DDX10: variants seen among roughly 807,000 people sequenced by gnomAD.
DDX10 encodes the protein probable ATP-dependent RNA helicase DDX10.
DDX10 carries 74 observed loss-of-function variants against 104.3 expected under a neutral mutation model. The ratio of observed to expected loss-of-function variants is 0.71; its 90% CI spans 0.59 to 0.86. DDX10 has a LOEUF of 0.86. DDX10 is among the 40% of genes least tolerant of loss of function. The pLI is 0.00. For missense variants in DDX10, 952 were observed against 1,040.0 expected (o/e 0.92, Z 1.16); for synonymous variants, 351 against 353.4 (o/e 0.99, Z 0.08).
rs905101408 is a variant in DDX10 at position 108,794,175 on chromosome 11, T to G, written c.1966-44271T>G. Among the ~76,000 whole-genome samples the G allele has an allele frequency of 3.9e-5, 6 of 152,290 alleles. No individual in the cohort carries two copies. The East Asian group carries it at 7.7e-4, about 20-fold the overall frequency. On this transcript the variant is annotated intron_variant, in intron 13 of 17. Coordinates refer to ENST00000322536, the MANE Select transcript of DDX10 (RefSeq NM_004398.4). ...GCACACTTCCCTTTGATAAACTAAT[T>G]GCTTTTTCTTTGGATGAATACCTAC...
In DDX10 at chr11:108,693,562, T is replaced by G. The variant is rs370270676; in HGVS notation, c.1185T>G (p.Asp395Glu). Residue 395 changes from aspartate (D) to glutamate (E), a missense_variant, in exon 9 of 18, where the codon GAT (aspartate) becomes GAG (glutamate). Asp to Glu is a conservative substitution (Grantham distance 45, BLOSUM62 2). This residue lies in a region of DDX10 where 7 missense variants were observed against 26.7 expected (regional missense o/e 0.26). Transcript: ENST00000322536. ...NWVLQFDCPE[D>E]ANTYIHRAGR... ...TTCTTCAGTTTGATTGTCCTGAGGA[T>G]GCCAACACATATATTCACAGAGCAG... The G allele has an allele frequency of 3.7e-6, 6 of 1,614,048 alleles. No homozygotes were observed. Among genetic ancestry groups the G allele is most frequent in the Non-Finnish European group, 5.1e-6 (6 of 1,180,020 alleles).
chr11:108,728,044 A>G (rs376786045), intron 13 of DDX10, among the ~76,000 whole-genome samples: 1 of 151,952 alleles, frequency 6.6e-6, no homozygotes, highest in Non-Finnish European at 1.5e-5. Context: ...AGAAAAATGA[A>G]AAAAGAAAAA....
intron 13 of DDX10, among the ~76,000 whole-genome samples, chr11:108,830,696 G>T (rs1416703676): frequency 6.6e-6 from 1 of 152,100 alleles, no homozygotes; most frequent in Non-Finnish European, 1.5e-5. Flanking sequence ...GTTGTAGATG[G>T]CTTTTATTAC....
intron 13 of DDX10, among the ~76,000 whole-genome samples, chr11:108,758,723 C>T (rs909073932): frequency 6.6e-6 from 1 of 152,042 alleles, no homozygotes; most frequent in Non-Finnish European, 1.5e-5. Context: ...TCCCCTTCTG[C>T]CTCCTGTTTC....
chr11:108,882,287 C>G (rs867160728), intron 16 of DDX10, among the ~76,000 whole-genome samples: 1 of 152,170 alleles, frequency 6.6e-6, no homozygotes, highest in Non-Finnish European at 1.5e-5. Flanking sequence ...CATCTGGGAA[C>G]AGGCAGAAGC....
At chr11:108,737,803 G>GC (rs2094320213) in intron 13 of DDX10, among the ~76,000 whole-genome samples, 1 of 152,072 alleles carries the variant, frequency 6.6e-6, no homozygotes, top group African/African-American at 2.4e-5. Flanking sequence ...GATAAGGCAT[G>GC]CCTACACCTA....
Position 108,730,676 on chromosome 11 carries a change from A to C in DDX10, c.1965+7214A>C, listed in dbSNP as rs559874885. Among the ~76,000 whole-genome samples the C allele has an allele frequency of 2.0e-5, 3 of 152,344 alleles. No homozygotes were observed. In the South Asian group the frequency reaches 6.2e-4, roughly 32 times the overall value. On this transcript the variant is annotated intron_variant, in intron 13 of 17. Transcript: ENST00000322536. The stretch of plus-strand genomic sequence containing the variant: ...TGTTGAACTTCCTATAAATGTGAGC[A>C]TAAAAAACTTACTTGACTCTAAATG...
chr11:108,924,497 C>G (rs939899882), intron 17 of DDX10, among the ~76,000 whole-genome samples: 1 of 152,174 alleles, frequency 6.6e-6, no homozygotes, highest in Admixed American at 6.5e-5. Flanking sequence ...TTACACATCT[C>G]TGAATCAAAA....
At chr11:108,758,005 A>G (rs899809823) in intron 13 of DDX10, among the ~76,000 whole-genome samples, 1 of 151,992 alleles carries the variant, frequency 6.6e-6, no homozygotes, top group African/African-American at 2.4e-5. Context: ...TGGGCTGCCT[A>G]CTGCTACAGC....
At chr11:108,702,386 T>C (rs1194954217) in intron 9 of DDX10, among the ~76,000 whole-genome samples, 2 of 152,192 alleles carry the variant, frequency 1.3e-5, no homozygotes, top group African/African-American at 4.8e-5. Flanking sequence ...ACCTAACTTG[T>C]AACATGGAGA....
At chr11:108,810,338 C>T (rs1451968280) in intron 13 of DDX10, among the ~76,000 whole-genome samples, 2 of 151,996 alleles carry the variant, frequency 1.3e-5, no homozygotes, top group Admixed American at 6.6e-5. Context: ...GTATTCCTTT[C>T]GAACCTATTG....
intron 13 of DDX10, among the ~76,000 whole-genome samples, chr11:108,808,358 G>A (rs1862129222): frequency 6.6e-6 from 1 of 151,290 alleles, no homozygotes; most frequent in African/African-American, 2.4e-5. Flanking sequence ...TTTGGGGGTG[G>A]GGGGAAATAT....
intron 16 of DDX10, among the ~76,000 whole-genome samples, chr11:108,903,016 C>T (rs1863538695): frequency 1.3e-5 from 2 of 152,030 alleles, no homozygotes; most frequent in Non-Finnish European, 2.9e-5. Context: ...ACCATACAAC[C>T]CAGCAACTAC....
chr11:108,713,753 A>T (rs1726333978), intron 10 of DDX10, among the ~76,000 whole-genome samples: 1 of 152,176 alleles, frequency 6.6e-6, no homozygotes, highest in South Asian at 2.1e-4. Flanking sequence ...TATAAAAAGA[A>T]TTGCTGTAAA....
In DDX10 at chr11:108,911,762, A is replaced by C. The variant is rs530158056; in HGVS notation, c.2305-6111A>C. On this transcript the variant is annotated intron_variant, in intron 16 of 17. Coordinates refer to ENST00000322536, the MANE Select transcript of DDX10 (RefSeq NM_004398.4). ...TTTTTTGTAGAGATGAGGTTTCACCATGTTGTGCAGACTGATCTCGAACTT... is the reference window on the plus strand; with the variant it reads ...TTTTTTGTAGAGATGAGGTTTCACCCTGTTGTGCAGACTGATCTCGAACTT... Among the ~76,000 whole-genome samples the C allele has an allele frequency of 7.9e-5, 12 of 151,646 alleles. No individual in the cohort carries two copies. In the South Asian group the frequency reaches 2.3e-3, roughly 29 times the overall value.
chr11:108,723,242 A>G lies in DDX10; in HGVS notation c.1745A>G (p.Gln582Arg). ...RQDNDTGNEE[Q>R]EEEEDDEEEM... The stretch of plus-strand genomic sequence containing the variant: ...GATAATGATACTGGTAATGAAGAAC[A>G]GGAAGAAGAAGAAGACGATGAAGAA... Residue 582 changes from glutamine to arginine, a missense_variant, in exon 13 of 18, where the codon CAG (glutamine) becomes CGG (arginine). By Grantham distance (43) the Gln-to-Arg change is conservative (BLOSUM62 1). This residue lies in a region of DDX10 where 533 missense variants were observed against 534.1 expected (regional missense o/e 1.00). Coordinates refer to ENST00000322536, the MANE Select transcript of DDX10 (RefSeq NM_004398.4). 1 of 1,613,544 alleles carries G rather than the reference A, an allele frequency of 6.2e-7. No homozygotes were observed. Among genetic ancestry groups the G allele is most frequent in the African/African-American group, 1.3e-5 (1 of 75,016 alleles).
Position 108,770,482 on chromosome 11 carries a change from TC to T in DDX10, c.1965+47026del, listed in dbSNP as rs1309422967. On this transcript the variant is annotated intron_variant, in intron 13 of 17. Transcript: ENST00000322536. Reference sequence around the variant, plus strand: ...ACTTTTTTTTTGTACTCATTAACCATCCCCCCTCCCCCCTCCCCCCTGCACC... The same window carrying T: ...ACTTTTTTTTTGTACTCATTAACCATCCCCCTCCCCCCTCCCCCCTGCACC... Among the ~76,000 whole-genome samples, 14 of 108,392 alleles carry T rather than the reference TC, an allele frequency of 1.3e-4. No homozygotes were observed. The East Asian group carries it at 1.6e-3, about 12-fold the overall frequency. 71.1% of individuals were successfully genotyped at this position (108,392 alleles called of 152,430 possible). A position where few individuals can be genotyped will look rare whatever the true frequency, so the allele number is the denominator to read the frequency against.
chr11:108,698,866 C>G (rs1371436877), intron 9 of DDX10, among the ~76,000 whole-genome samples: 1 of 152,210 alleles, frequency 6.6e-6, no homozygotes, highest in Non-Finnish European at 1.5e-5. Flanking sequence ...CTTGCTGTTT[C>G]TTTTATGTGC....
intron 13 of DDX10, among the ~76,000 whole-genome samples, chr11:108,779,542 G>A (rs1391749669): frequency 1.3e-5 from 2 of 151,572 alleles, no homozygotes; most frequent in South Asian, 2.1e-4. Context: ...GCCGGGGGTG[G>A]TGGGAGGGGG....
Sources: allele counts gnomAD v4.1 joint callset (sites outside exome capture counted in the v4.1 genomes callset), GRCh38; gene constraint gnomAD v4.1.1; regional missense constraint gnomAD v4.1.1; transcripts MANE v1.5; gene names NCBI Gene and HGNC (gene_info 2026-07-23, HGNC 2026-07-21).